The following ARL2BP variants were observed in gnomAD, a reference collection of about 807,000 sequenced individuals.
The protein encoded by ARL2BP is ARF like GTPase 2 binding protein.
A neutral mutation model predicts 24.2 loss-of-function variants in ARL2BP; 19 were observed. The observed-to-expected ratio is 0.79, with a 90% confidence interval of 0.55 to 1.15. The LOEUF (loss-of-function observed/expected upper bound fraction) is 1.15. Among genes scored for constraint, ARL2BP ranks in the 50% most tolerant of loss-of-function variants. The pLI, the probability that ARL2BP is intolerant of heterozygous loss-of-function variation, is 0.00. For missense variants in ARL2BP, 160 were observed against 190.4 expected, an observed-to-expected ratio of 0.84 and a Z score of 0.94; for synonymous variants, 56 against 70.5, an observed-to-expected ratio of 0.79 and a Z score of 1.03.
Position 57,252,666 on chromosome 16 carries a change from C to A in ARL2BP, c.*399C>A, listed in dbSNP as rs2075412244. On this transcript the variant is annotated 3_prime_UTR_variant, in exon 6 of 6. Transcript: ENST00000219204. The stretch of plus-strand genomic sequence containing the variant: ...CTGCATGAATCTTTGTGCACTTGCA[C>A]CTCTTTTTCACATGGGCCACAGTTT... 4.4e-6 allele frequency: 1 copy of A among 226,162 alleles called. No individual in the cohort carries two copies. The highest frequency in any genetic ancestry group is 8.9e-6 in the Non-Finnish European group (1 of 112,378). The allele number at this position is 226,162 out of a possible 1,614,324, so 14.0% of individuals were successfully genotyped here. A position where few individuals can be genotyped will look rare whatever the true frequency, so the allele number is the denominator to read the frequency against.
At chr16:57,251,928 A>G (rs1376191665) in intron 5 of ARL2BP, 9 of 448,476 alleles carry the variant, frequency 2.0e-5, no homozygotes, top group Admixed American at 3.8e-5. Flanking sequence ...TCAAGCCACT[A>G]TACTCCAGCC....
intron 3 of ARL2BP, 25 bp from the exon 4 acceptor site, chr16:57,249,742 A>G: frequency 6.2e-7 from 1 of 1,600,640 alleles, no homozygotes; most frequent in Non-Finnish European, 8.6e-7. Flanking sequence ...GTATGGTCTC[A>G]CCAAAATCCT....
chr16:57,245,944 T>C (rs1293473834), intron 1 of ARL2BP, 136 bp from the exon 2 acceptor site: 8 of 795,174 alleles, frequency 1.0e-5, no homozygotes, highest in East Asian at 2.4e-5. Context: ...CAGTCATTCT[T>C]AATCGTTGAA....
chr16:57,248,323 AAAAAAAAAAAAAAG>A, intron 2 of ARL2BP, 200 bp from the exon 3 acceptor site: 1 of 218,780 alleles, frequency 4.6e-6, no homozygotes, highest in East Asian at 1.1e-4. Flanking sequence ...AAAAAAAAAA[AAAAAAAAAAAAAAG>A]AAAGAAAGAA....
intron 1 of ARL2BP, 86 bp downstream of exon 1, chr16:57,245,491 C>A: frequency 1.3e-6 from 2 of 1,531,484 alleles, no homozygotes; most frequent in Non-Finnish European, 1.8e-6. Flanking sequence ...AAACAGGTGT[C>A]CTTAGGGGCC....
intron 5 of ARL2BP, chr16:57,250,751 GTCTCAT>G (rs1382354700): frequency 5.8e-6 from 3 of 516,034 alleles, no homozygotes; most frequent in African/African-American, 3.9e-5. Flanking sequence ...CAGGTCTCAG[GTCTCAT>G]TCTGCCTTGC....
intron 2 of ARL2BP, chr16:57,247,578 A>G (rs560069112): frequency 3.3e-5 from 5 of 152,186 alleles, no homozygotes; most frequent in Non-Finnish European, 7.3e-5. Context: ...CTATGAACTA[A>G]TCTATTTACA....
At chr16:57,250,357 C>A in intron 4 of ARL2BP, 54 bp from the exon 5 acceptor site, 1 of 1,517,082 alleles carries the variant, frequency 6.6e-7, no homozygotes, top group Non-Finnish European at 9.1e-7. Flanking sequence ...CGAAAGCAAT[C>A]TTGAGGACTG....
rs1273295342 is a variant in ARL2BP, at chr16:57,252,910, G to C, written c.*643G>C. ...CTTCTGGTCCTGATGTAGTCCCACTGTTTCTAGAAGTCTCTTTTAAGCATT... is the reference window on the plus strand; with the variant it reads ...CTTCTGGTCCTGATGTAGTCCCACTCTTTCTAGAAGTCTCTTTTAAGCATT... On this transcript the variant is annotated 3_prime_UTR_variant, in exon 6 of 6. Coordinates refer to ENST00000219204, the MANE Select transcript of ARL2BP (RefSeq NM_012106.4). 6.6e-6 allele frequency: 1 copy of C among 152,482 alleles called. No individual in the cohort carries two copies. The highest frequency in any genetic ancestry group is 1.5e-5 in the Non-Finnish European group (1 of 68,206). 9.4% of individuals were successfully genotyped at this position (152,482 alleles called of 1,614,324 possible).
At chr16:57,247,522 T>C (rs1016813433) in intron 2 of ARL2BP, 4 of 151,298 alleles carry the variant, frequency 2.6e-5, no homozygotes, top group Non-Finnish European at 5.9e-5. Context: ...CCTGTCTCAA[T>C]TAAAAAAAAA....
At position 57,245,328 on chromosome 16, in the gene ARL2BP, G is replaced by A; in HGVS notation, c.-40G>A. On this transcript the variant is annotated 5_prime_UTR_variant, in exon 1 of 6. Transcript: ENST00000219204. ...GGCGGCCGCGCCCTGCATGCGAGTTGGGCCGCGGGCGGGGTTGGAGCCTAC... is the reference window on the plus strand; with the variant it reads ...GGCGGCCGCGCCCTGCATGCGAGTTAGGCCGCGGGCGGGGTTGGAGCCTAC... The A allele has an allele frequency of 6.3e-7, 1 of 1,594,332 alleles. No homozygotes were observed. Among genetic ancestry groups the A allele is most frequent in the Non-Finnish European group, 8.5e-7 (1 of 1,171,822 alleles).
In ARL2BP at chr16:57,253,403, T is replaced by C. The variant is rs1200184340; in HGVS notation, c.*1136T>C. On this transcript the variant is annotated 3_prime_UTR_variant, in exon 6 of 6. Coordinates refer to ENST00000219204, the MANE Select transcript of ARL2BP (RefSeq NM_012106.4). ...GTGGTAGATTACTTATCAGAAAACA[T>C]ATATGTCATCTCTAGAACGAAGAAA... 1 of 152,188 alleles carries C rather than the reference T, an allele frequency of 6.6e-6. No homozygotes were observed. Among genetic ancestry groups the C allele is most frequent in the African/African-American group, 2.4e-5 (1 of 41,436 alleles). The allele number at this position is 152,188 out of a possible 1,614,324, so 9.4% of individuals were successfully genotyped here. A position where few individuals can be genotyped will look rare whatever the true frequency, so the allele number is the denominator to read the frequency against.
intron 2 of ARL2BP, among the ~76,000 whole-genome samples, chr16:57,246,673 G>T (rs1427226599): frequency 2.0e-5 from 3 of 152,086 alleles, no homozygotes; most frequent in Non-Finnish European, 2.9e-5. Context: ...GCGTGGTAGC[G>T]GGCGCCTGTA....
chr16:57,250,638 A>G, intron 5 of ARL2BP, 131 bp downstream of exon 5: 1 of 704,226 alleles, frequency 1.4e-6, no homozygotes, highest in Non-Finnish European at 2.5e-6. Flanking sequence ...GCATCAGAAG[A>G]GTGAGCTGCT....
In ARL2BP at chr16:57,253,361, T is replaced by C. The variant is rs2075414540; in HGVS notation, c.*1094T>C. 6.6e-6 allele frequency: 1 copy of C among 152,184 alleles called. No individual in the cohort carries two copies. The highest frequency in any genetic ancestry group is 1.5e-5 in the Non-Finnish European group (1 of 68,042). The allele number at this position is 152,184 out of a possible 1,614,324, so 9.4% of individuals were successfully genotyped here. On this transcript the variant is annotated 3_prime_UTR_variant, in exon 6 of 6. Transcript: ENST00000219204. ...CAGCTTTACTGGCTGTTTGTATGCT[T>C]TGGTTTAGTGCAATGTGTGGTAGAT...
chr16:57,246,165 T>G, intron 2 of ARL2BP, 24 bp downstream of exon 2: 1 of 1,601,990 alleles, frequency 6.2e-7, no homozygotes, highest in Non-Finnish European at 8.5e-7. Flanking sequence ...ATACTGTTTT[T>G]AAGGACTTGC....
At chr16:57,250,291 A>G in intron 4 of ARL2BP, 120 bp from the exon 5 acceptor site, 1 of 867,882 alleles carries the variant, frequency 1.2e-6, no homozygotes, top group Non-Finnish European at 1.8e-6. Flanking sequence ...CCCAGTCTCT[A>G]AAAAAACAAA....
chr16:57,247,722 T>C (rs570053382), intron 2 of ARL2BP, among the ~76,000 whole-genome samples: 1 of 152,324 alleles, frequency 6.6e-6, no homozygotes, highest in East Asian at 1.9e-4. Flanking sequence ...AATTAGTAAG[T>C]AGCTGAGATG....
chr16:57,251,233 A>G (rs1337388940), intron 5 of ARL2BP: 1 of 152,026 alleles, frequency 6.6e-6, no homozygotes, highest in Non-Finnish European at 1.5e-5. Flanking sequence ...CCCTGTCTCT[A>G]TGAAAAATAC....
Sources: allele counts gnomAD v4.1 joint callset (sites outside exome capture counted in the v4.1 genomes callset), GRCh38; gene constraint gnomAD v4.1.1; transcripts MANE v1.5; gene names NCBI Gene and HGNC (gene_info 2026-07-23, HGNC 2026-07-21).